The following NCOR2 variants were observed in gnomAD, a reference collection of about 807,000 sequenced individuals.
NCOR2 encodes the protein CTG repeat protein 26.
A neutral mutation model predicts 262.9 loss-of-function variants in NCOR2; 81 were observed. The ratio of observed to expected loss-of-function variants is 0.31; its 90% CI spans 0.26 to 0.37. The LOEUF is 0.37. Among genes scored for constraint, NCOR2 ranks in the 10% least tolerant of loss-of-function variants. The pLI is 1.00. For synonymous variants in NCOR2, 1,659 were observed against 1,559.3 expected, an observed-to-expected ratio of 1.06 and a Z score of -1.51; for missense variants, 3,385 against 3,621.4, an observed-to-expected ratio of 0.93 and a Z score of 1.68.
chr12:124,542,822 G>T (rs1018361493), intron 1 of NCOR2: 9 of 152,348 alleles, frequency 5.9e-5, no homozygotes, highest in African/African-American at 1.9e-4. Flanking sequence ...GGTGTCACCT[G>T]GTCCCCGTCC....
intron 13 of NCOR2, among the ~76,000 whole-genome samples, chr12:124,410,878 G>C (rs1173802219): frequency 1.3e-5 from 2 of 152,124 alleles, no homozygotes; most frequent in Non-Finnish European, 2.9e-5. Context: ...AAGGTCACCA[G>C]TCCCTCCGCA....
chr12:124,531,645 G>A lies in NCOR2; in HGVS notation c.-118+3920C>T, dbSNP rs915057714. On this transcript the variant is annotated intron_variant, in intron 1 of 46. Transcript: ENST00000404621. The surrounding 1 kb of genome is among the most constrained non-coding windows in gnomAD (Gnocchi z 4.5). ...TGGTGGCGCAGACAGGGAAGGGCAG[G>A]GGGCCCTGAATTGCTCTCCTCCCCA... Among the ~76,000 whole-genome samples, 2 of 151,980 alleles carry A rather than the reference G, an allele frequency of 1.3e-5. No homozygotes were observed. Among genetic ancestry groups the A allele is most frequent in the South Asian group, 2.1e-4 (1 of 4,824 alleles).
chr12:124,364,109 G>A (rs138205889), intron 20 of NCOR2, among the ~76,000 whole-genome samples: 17 of 152,180 alleles, frequency 1.1e-4, no homozygotes, highest in Non-Finnish European at 1.9e-4. Flanking sequence ...GAGGCCAGCC[G>A]GGCAGTGCTA....
rs532889069 is a variant in NCOR2, at chr12:124,386,370, C to A, written c.1877-483G>T. Among the ~76,000 whole-genome samples the A allele has an allele frequency of 9.2e-5, 14 of 151,942 alleles. No individual in the cohort carries two copies. In the South Asian group the frequency reaches 2.9e-3, roughly 32 times the overall value. Reference sequence around the variant, plus strand: ...TTGTTTTCCGGCCACACCGGCCCAGCGAAAGGAAGGGACGTGGTGAGCAGG... The same window carrying A: ...TTGTTTTCCGGCCACACCGGCCCAGAGAAAGGAAGGGACGTGGTGAGCAGG... On this transcript the variant is annotated intron_variant, in intron 16 of 46. Coordinates refer to ENST00000405201, the Ensembl canonical transcript of NCOR2.
intron 13 of NCOR2, among the ~76,000 whole-genome samples, chr12:124,405,056 T>C (rs1190501422): frequency 2.0e-5 from 3 of 150,756 alleles, no homozygotes; most frequent in African/African-American, 7.4e-5. Context: ...CCAGCCAGGA[T>C]CTACAGTTTG....
At chr12:124,334,461 G>T in exon 41 of NCOR2, 1 of 1,491,750 alleles carries the variant, frequency 6.7e-7, no homozygotes, top group Non-Finnish European at 8.9e-7. Flanking sequence ...CCACGGGCCG[G>T]GGCACCATGG....
At chr12:124,350,867 C>G (rs1342170874) in intron 27 of NCOR2, 130 bp from the exon 30 acceptor site, 1 of 947,456 alleles carries the variant, frequency 1.1e-6, no homozygotes, top group African/African-American at 1.7e-5. Flanking sequence ...CACACACTGT[C>G]TCAAATAGGT....
chr12:124,422,372 A>G (rs1011727535), intron 12 of NCOR2, 129 bp downstream of exon 14: 21 of 1,042,160 alleles, frequency 2.0e-5, no homozygotes, highest in Non-Finnish European at 2.7e-5. Flanking sequence ...GGAGGGGAGC[A>G]TGGCAGCTGG....
At chr12:124,374,590 C>A in intron 18 of NCOR2, 127 bp from the exon 21 acceptor site, 2 of 848,344 alleles carry the variant, frequency 2.4e-6, no homozygotes, top group Non-Finnish European at 1.9e-6. Context: ...CTGCTGCTCG[C>A]TCTCCTGCCC....
intron 5 of NCOR2, among the ~76,000 whole-genome samples, chr12:124,464,563 T>C (rs1565966665): frequency 6.6e-6 from 1 of 152,240 alleles, no homozygotes; most frequent in Non-Finnish European, 1.5e-5. Context: ...TTCTACTAAA[T>C]GCAAATAGTA....
intron 1 of NCOR2, among the ~76,000 whole-genome samples, chr12:124,508,125 C>G (rs1303388875): frequency 5.6e-4 from 85 of 152,262 alleles, no homozygotes; most frequent in Admixed American, 5.5e-3. Context: ...CCTCCCCAAC[C>G]CATCCCAGCC....
At chr12:124,388,834 G>A in intron 16 of NCOR2, 7 of 1,280,142 alleles carry the variant, frequency 5.5e-6, no homozygotes, top group Non-Finnish European at 7.1e-6. Flanking sequence ...TGGCGGCTCA[G>A]CTCAGCCTCA....
chr12:124,459,503 C>A (rs774214975), intron 5 of NCOR2, among the ~76,000 whole-genome samples: 1 of 152,148 alleles, frequency 6.6e-6, no homozygotes, highest in Non-Finnish European at 1.5e-5. Flanking sequence ...TCTCAACACA[C>A]CTGCCCAACA....
upstream of NCOR2, among the ~76,000 whole-genome samples, chr12:124,497,702 G>A (rs763153277): frequency 2.0e-5 from 3 of 152,214 alleles, no homozygotes; most frequent in Non-Finnish European, 4.4e-5. The surrounding 1 kb of genome is among the most constrained non-coding windows in gnomAD (Gnocchi z 4.2). Flanking sequence ...AGGAAAGGCC[G>A]GGTGGCGGAC....
chr12:124,558,770 G>A (rs1032311546), intron 1 of NCOR2, among the ~76,000 whole-genome samples: 16 of 152,256 alleles, frequency 1.1e-4, no homozygotes, highest in South Asian at 4.1e-4. Context: ...GAGGGGCTAC[G>A]ACACGGTCTG....
chr12:124,543,707 G>C (rs541994819), intron 1 of NCOR2, among the ~76,000 whole-genome samples: 1 of 152,222 alleles, frequency 6.6e-6, no homozygotes, highest in South Asian at 2.1e-4. Context: ...AGGGGGACGC[G>C]GGCTCTGTCG....
chr12:124,358,529 G>A (rs1324824216), intron 22 of NCOR2, among the ~76,000 whole-genome samples: 4 of 152,184 alleles, frequency 2.6e-5, no homozygotes, highest in African/African-American at 9.7e-5. Context: ...CTCAGCACAG[G>A]CACTGTGCTC....
At chr12:124,419,330 G>A (rs1447839557) in intron 13 of NCOR2, among the ~76,000 whole-genome samples, 3 of 152,278 alleles carry the variant, frequency 2.0e-5, no homozygotes, top group Non-Finnish European at 4.4e-5. Flanking sequence ...CAGCAAGGAC[G>A]CTGCCATGGT....
intron 8 of NCOR2, among the ~76,000 whole-genome samples, chr12:124,434,167 G>A (rs1463537105): frequency 6.6e-6 from 1 of 152,084 alleles, no homozygotes; most frequent in Admixed American, 6.5e-5. Flanking sequence ...TCTGGGAAGA[G>A]GTATGGGGGT....
Sources: gnomAD v4.1 joint callset for allele counts (sites outside exome capture counted in the v4.1 genomes callset) on GRCh38, gnomAD v4.1.1 for gene constraint, Gnocchi (gnomAD v3.1) non-coding constraint, MANE v1.5 for transcripts, NCBI Gene and HGNC (gene_info 2026-07-23, HGNC 2026-07-21) for gene names.